TMEM51: variants seen among roughly 807,000 people sequenced by gnomAD.
The protein encoded by TMEM51 is transmembrane protein 51, also known as chromosome 1 open reading frame 72.
A neutral mutation model predicts 13.6 loss-of-function variants in TMEM51; 8 were observed. The observed-to-expected ratio is 0.59, with a 90% confidence interval of 0.35 to 1.07. The LOEUF (loss-of-function observed/expected upper bound fraction) is 1.07. Ranked by LOEUF, TMEM51 falls within the 50% of genes least tolerant of loss-of-function variation. TMEM51 has a pLI of 0.02. For synonymous variants in TMEM51, 147 were observed against 144.4 expected (o/e 1.02, Z -0.13); for missense variants, 279 against 330.7 (o/e 0.84, Z 1.21).
intron 2 of TMEM51, among the ~76,000 whole-genome samples, chr1:15,213,652 T>C (rs1644377452): frequency 6.6e-6 from 1 of 152,190 alleles, no homozygotes; most frequent in Admixed American, 6.5e-5. Context: ...GCTGCTCCCT[T>C]TAGCGCAGGG....
chr1:15,210,237 T>G (rs573111876), intron 1 of TMEM51, among the ~76,000 whole-genome samples: 1 of 152,204 alleles, frequency 6.6e-6, no homozygotes, highest in Non-Finnish European at 1.5e-5. Flanking sequence ...CTGGAGCACA[T>G]GTCTAAGATG....
chr1:15,195,558 A>G (rs1338192883), intron 1 of TMEM51, among the ~76,000 whole-genome samples: 8 of 152,034 alleles, frequency 5.3e-5, no homozygotes, highest in Non-Finnish European at 1.2e-4. Flanking sequence ...GGCTACCTCA[A>G]AGGAACCGGT....
chr1:15,213,617 A>G (rs1219465017), intron 2 of TMEM51, among the ~76,000 whole-genome samples: 3 of 152,176 alleles, frequency 2.0e-5, no homozygotes, highest in African/African-American at 7.2e-5. Flanking sequence ...CAACCAACAA[A>G]TGCTGTGGAA....
At chr1:15,171,195 C>G in intron 1 of TMEM51, 1 of 1,302,530 alleles carries the variant, frequency 7.7e-7, no homozygotes, top group South Asian at 1.2e-5. Context: ...TCCTGGGTGA[C>G]GCTGATGCTG....
At chr1:15,160,869 C>T (rs938583939) in intron 1 of TMEM51, among the ~76,000 whole-genome samples, 1 of 148,242 alleles carries the variant, frequency 6.7e-6, no homozygotes, top group East Asian at 2.1e-4. Flanking sequence ...CCCCCCACCC[C>T]GATGGAGCTG....
intron 2 of TMEM51, among the ~76,000 whole-genome samples, chr1:15,212,532 G>A (rs958371377): frequency 1.3e-5 from 2 of 152,190 alleles, no homozygotes; most frequent in South Asian, 4.1e-4. Context: ...TGCTCAGAAC[G>A]TGGTATTTTC....
At position 15,179,011 on chromosome 1, in the gene TMEM51, G is replaced by A. The variant is rs1488839095; in HGVS notation, c.-267+25057G>A. On this transcript the variant is annotated intron_variant, in intron 1 of 3. Coordinates refer to ENST00000376008, the MANE Select transcript of TMEM51 (RefSeq NM_001136218.2). ...TTCAAAGCTAAATGGAAATCAAAAT[G>A]TGGAATGACTCAGGGACTGCTCGTT... 9.2e-5 allele frequency among the ~76,000 whole-genome samples: 14 copies of A among 152,278 alleles called. No individual in the cohort carries two copies. The East Asian group carries it at 2.3e-3, about 25-fold the overall frequency.
intron 1 of TMEM51, chr1:15,171,117 A>G (rs999945419): frequency 1.4e-5 from 9 of 650,078 alleles, no homozygotes; most frequent in Admixed American, 6.3e-5. Context: ...CCCCCGCCAC[A>G]TCCCCCACCC....
Position 15,209,672 on chromosome 1 carries a change from A to G in TMEM51, c.-266-818A>G, listed in dbSNP as rs149890165. ...TGGTTTATCCTTTCTCCTGGGACCA[A>G]TTTCTAATGTTGAACCAAACCCTGC... On this transcript the variant is annotated intron_variant, in intron 1 of 3. Transcript: ENST00000376008. 9.0e-3 allele frequency among the ~76,000 whole-genome samples: 1,365 copies of G among 152,230 alleles called. 71 individuals carry two copies. The highest frequency in any genetic ancestry group is 0.081 in the Admixed American group (1,235 of 15,296).
At chr1:15,204,822 T>G (rs1194821382) in intron 1 of TMEM51, among the ~76,000 whole-genome samples, 1 of 151,590 alleles carries the variant, frequency 6.6e-6, no homozygotes, top group Admixed American at 6.6e-5. Context: ...AACTATGTGC[T>G]GGGGGTTGGG....
At chr1:15,205,343 G>T (rs1644230952) in intron 1 of TMEM51, among the ~76,000 whole-genome samples, 1 of 152,090 alleles carries the variant, frequency 6.6e-6, no homozygotes, top group South Asian at 2.1e-4. Flanking sequence ...TCTTTTCTCT[G>T]CAAGCCATGA....
chr1:15,205,460 G>C (rs946900923), intron 1 of TMEM51, among the ~76,000 whole-genome samples: 1 of 152,136 alleles, frequency 6.6e-6, no homozygotes, highest in African/African-American at 2.4e-5. Flanking sequence ...CCACAGGAAG[G>C]CCACAGAGGC....
At chr1:15,189,185 A>G (rs1643871255) in intron 1 of TMEM51, among the ~76,000 whole-genome samples, 1 of 133,390 alleles carries the variant, frequency 7.5e-6, no homozygotes, top group African/African-American at 2.8e-5. Flanking sequence ...GATTACACGC[A>G]CCCTTCACCA....
intron 1 of TMEM51, among the ~76,000 whole-genome samples, chr1:15,158,581 C>G (rs774376672): frequency 6.6e-6 from 1 of 152,206 alleles, no homozygotes; most frequent in Non-Finnish European, 1.5e-5. Context: ...TTGGCATGCT[C>G]ATCTCCAAAC....
chr1:15,166,519 AG>A (rs1195206360), intron 1 of TMEM51, among the ~76,000 whole-genome samples: 2 of 152,168 alleles, frequency 1.3e-5, no homozygotes, highest in African/African-American at 4.8e-5. Flanking sequence ...CAGGAATTTG[AG>A]ACCAGCCTGA....
rs374226436 is a variant in TMEM51, at chr1:15,210,034, G to A, written c.-266-456G>A. Among the ~76,000 whole-genome samples, 28 of 152,158 alleles carry A rather than the reference G, an allele frequency of 1.8e-4. No individual in the cohort carries two copies. In the East Asian group the frequency reaches 4.6e-3, roughly 25 times the overall value. ...CAAAAAAGTAAGACTCAGGAAGGAA[G>A]GAAGGAAGGGAGGAAGGGAGGGAGA... On this transcript the variant is annotated intron_variant, in intron 1 of 3. Transcript: ENST00000376008.
At chr1:15,219,235 T>A in intron 3 of TMEM51, 91 bp from the exon 4 acceptor site, 1 of 1,357,018 alleles carries the variant, frequency 7.4e-7, no homozygotes. Flanking sequence ...ACAAGGCTGC[T>A]GTGTGTGGAC....
chr1:15,187,976 C>T (rs780173390), intron 1 of TMEM51, among the ~76,000 whole-genome samples: 37 of 152,174 alleles, frequency 2.4e-4, no homozygotes, highest in African/African-American at 7.0e-4. Context: ...TAGCTGCTCG[C>T]GCTGTTGGCA....
Position 15,219,630 on chromosome 1 carries a change from A to C in TMEM51, c.649A>C (p.Arg217=), listed in dbSNP as rs377524710. 5 of 1,614,124 alleles carry C rather than the reference A, an allele frequency of 3.1e-6. No homozygotes were observed. Among genetic ancestry groups the C allele is most frequent in the Non-Finnish European group, 4.2e-6 (5 of 1,180,040 alleles). The change falls in exon 4 of 4, where the codon AGG becomes CGG. Residue 217 remains arginine, a synonymous_variant. Transcript: ENST00000376008. ...TGAAAAGCTTCACCTCAAAGACTTT[A>C]GGATCAACCTCCCAGACAAAAACGT... is the stretch of plus-strand genomic sequence containing the variant. ...KSEKLHLKDF[R]INLPDKNVPP... is the part of the protein sequence containing the mutation.
Sources: allele counts gnomAD v4.1 joint callset (sites outside exome capture counted in the v4.1 genomes callset), GRCh38; gene constraint gnomAD v4.1.1; transcripts MANE v1.5; gene names NCBI Gene and HGNC (gene_info 2026-07-23, HGNC 2026-07-21).